The following RALGPS1 variants were observed in gnomAD, a reference collection of about 807,000 sequenced individuals.
RALGPS1 encodes ras-specific guanine nucleotide-releasing factor RalGPS1.
In RALGPS1, 19 loss-of-function variants were observed where a neutral mutation model predicts 78.8. The ratio of observed to expected loss-of-function variants is 0.24; its 90% CI spans 0.17 to 0.35. The LOEUF (loss-of-function observed/expected upper bound fraction) is 0.35, where lower values mean the gene tolerates loss of function less well. Ranked by LOEUF, RALGPS1 falls within the 10% of genes least tolerant of loss-of-function variation. RALGPS1 has a pLI of 1.00. For missense variants in RALGPS1, 454 were observed against 688.3 expected (o/e 0.66, Z 3.81); for synonymous variants, 228 against 256.3 (o/e 0.89, Z 1.06).
At chr9:127,099,444 T>A (rs1474635712) in intron 8 of RALGPS1, among the ~76,000 whole-genome samples, 2 of 152,208 alleles carry the variant, frequency 1.3e-5, no homozygotes, top group South Asian at 4.1e-4. Flanking sequence ...ACTGTTGAAA[T>A]TGGATCTGCA....
rs2052818652 is a variant in RALGPS1, at chr9:127,094,043, A to G, written c.610+24687A>G. The G allele has an allele frequency of 2.8e-5, 34 of 1,207,324 alleles. No individual in the cohort carries two copies. The South Asian group carries it at 4.8e-4, about 17-fold the overall frequency. The allele number at this position is 1,207,324 out of a possible 1,614,324, so 74.8% of individuals were successfully genotyped here. ...GGCTCCAGCTGGGAGCCACAGGCCC[A>G]CGGTCTGAGGTAACCAATTTTTGTT... On this transcript the variant is annotated intron_variant, in intron 8 of 18. Coordinates refer to ENST00000259351, the MANE Select transcript of RALGPS1 (RefSeq NM_014636.3).
chr9:127,102,068 T>C (rs987360656), intron 8 of RALGPS1, among the ~76,000 whole-genome samples: 3 of 152,106 alleles, frequency 2.0e-5, no homozygotes, highest in Non-Finnish European at 4.4e-5. Context: ...GATGCGGGGA[T>C]AGTAGGAAAG....
chr9:126,950,172 T>C (rs911011641), intron 1 of RALGPS1, among the ~76,000 whole-genome samples: 1 of 152,242 alleles, frequency 6.6e-6, no homozygotes, highest in African/African-American at 2.4e-5. Context: ...CATTGATCTA[T>C]ATCTCTGTTT....
At chr9:127,092,091 A>C in intron 8 of RALGPS1, 1 of 932,318 alleles carries the variant, frequency 1.1e-6, no homozygotes, top group Non-Finnish European at 1.6e-6. Flanking sequence ...CCACCTCTTA[A>C]TCTCTCCATG....
chr9:127,069,325 C>A lies in RALGPS1; in HGVS notation c.579C>A (p.Ser193Arg). 1 of 1,613,974 alleles carries A rather than the reference C, an allele frequency of 6.2e-7. No individual in the cohort carries two copies. The highest frequency in any genetic ancestry group is 8.5e-7 in the Non-Finnish European group (1 of 1,179,870). The change falls in exon 8 of 19, where the codon AGC (serine) becomes AGA (arginine). Residue 193 changes from serine (S) to arginine (R), a missense_variant. Ser to Arg is a moderately radical substitution (Grantham distance 110, BLOSUM62 -1). Transcript: ENST00000259351. ...AGCGGACACGGGAATATATCCGAAG[C>A]CTGAAGATGGTTCCAAGTATTCCCT... ...NYKRTREYIR[S>R]LKMVPSIPYL...
chr9:127,059,029 T>C (rs949229332), intron 7 of RALGPS1, among the ~76,000 whole-genome samples: 8 of 152,136 alleles, frequency 5.3e-5, no homozygotes, highest in African/African-American at 9.7e-5. Context: ...CTCCTAGATA[T>C]CTGGGGACAC....
rs555034475 is a variant in RALGPS1, at chr9:127,218,329, C to T, written c.1645-411C>T. ...TCCAGCCACCCACCCTCTGCACACA[C>T]CTCAGGCCTTCAGGATTTGTCTCTC... On this transcript the variant is annotated intron_variant, in intron 18 of 18. Transcript: ENST00000259351. The surrounding 1 kb of genome is among the most constrained non-coding windows in gnomAD (Gnocchi z 4.4). Among the ~76,000 whole-genome samples, 3 of 152,316 alleles carry T rather than the reference C, an allele frequency of 2.0e-5. No homozygotes were observed. Among genetic ancestry groups the T allele is most frequent in the South Asian group, 4.1e-4 (2 of 4,826 alleles).
At position 126,942,005 on chromosome 9, in the gene RALGPS1, C is replaced by CT. The variant is rs1416602813; in HGVS notation, c.-65-20219dup. The stretch of plus-strand genomic sequence containing the variant: ...TCATATTAATCCTCACACCAACCCT[C>CT]TAAGAAAGATGCTGCTCTTAGTTTC... On this transcript the variant is annotated intron_variant, in intron 1 of 18. Transcript: ENST00000259351. Among the ~76,000 whole-genome samples, 7 of 152,228 alleles carry CT rather than the reference C, an allele frequency of 4.6e-5. No individual in the cohort carries two copies. The East Asian group carries it at 1.3e-3, about 29-fold the overall frequency.
At chr9:127,025,222 T>C (rs2045864932) in intron 4 of RALGPS1, among the ~76,000 whole-genome samples, 1 of 152,280 alleles carries the variant, frequency 6.6e-6, no homozygotes. Context: ...TATGCGTCAC[T>C]CTGTCATTCG....
chr9:127,155,082 C>T (rs2058638457), intron 8 of RALGPS1, among the ~76,000 whole-genome samples: 1 of 152,202 alleles, frequency 6.6e-6, no homozygotes, highest in South Asian at 2.1e-4. Context: ...CTTGCGGATA[C>T]CACAGTGTGG....
chr9:127,046,822 C>T (rs1191606322), intron 5 of RALGPS1, among the ~76,000 whole-genome samples: 1 of 151,858 alleles, frequency 6.6e-6, no homozygotes, highest in East Asian at 1.9e-4. Flanking sequence ...TCACAAGGAC[C>T]TGTGCAGGCA....
At position 126,979,375 on chromosome 9, in the gene RALGPS1, A is replaced by G. The variant is rs563910870; in HGVS notation, c.216+1630A>G. On this transcript the variant is annotated intron_variant, in intron 4 of 18. Coordinates refer to ENST00000259351, the MANE Select transcript of RALGPS1 (RefSeq NM_014636.3). The stretch of plus-strand genomic sequence containing the variant: ...TTTTTCTGTTTTGTTCTAATGTGGT[A>G]TGATCCATTATTTCTAATCAAAAAC... Among the ~76,000 whole-genome samples the G allele has an allele frequency of 4.6e-5, 7 of 151,966 alleles. No individual in the cohort carries two copies. The East Asian group carries it at 5.8e-4, about 13-fold the overall frequency.
At chr9:126,917,983 A>T (rs752564916) in intron 1 of RALGPS1, among the ~76,000 whole-genome samples, 52 of 152,312 alleles carry the variant, frequency 3.4e-4, no homozygotes, top group Middle Eastern at 3.4e-3. Context: ...CTTCTTTTAA[A>T]AATATCTGTC....
intron 8 of RALGPS1, among the ~76,000 whole-genome samples, chr9:127,077,543 C>T (rs912161299): frequency 1.1e-4 from 16 of 152,294 alleles, no homozygotes; most frequent in African/African-American, 3.6e-4. Context: ...GAGTGGTGGC[C>T]GTTGCCCCCT....
intron 1 of RALGPS1, among the ~76,000 whole-genome samples, chr9:126,960,210 TCCC>T (rs2038761489): frequency 1.8e-5 from 1 of 56,608 alleles, no homozygotes; most frequent in African/African-American, 5.2e-5. Flanking sequence ...CCTCCCTCCC[TCCC>T]TCCCTCCCTT....
chr9:126,972,123 C>T (rs2132473748), intron 3 of RALGPS1, among the ~76,000 whole-genome samples: 1 of 152,232 alleles, frequency 6.6e-6, no homozygotes, highest in Admixed American at 6.5e-5. Flanking sequence ...TTCCCAGTAC[C>T]CAGTGAGGAA....
At chr9:126,999,239 T>C (rs1338516941) in intron 4 of RALGPS1, among the ~76,000 whole-genome samples, 1 of 152,108 alleles carries the variant, frequency 6.6e-6, no homozygotes, top group Admixed American at 6.5e-5. Context: ...ATTCTGTATC[T>C]CCTGACCCCG....
chr9:127,201,316 A>T (rs899135560), intron 14 of RALGPS1, among the ~76,000 whole-genome samples: 1 of 152,160 alleles, frequency 6.6e-6, no homozygotes, highest in African/African-American at 2.4e-5. Flanking sequence ...TCCTCTGAGG[A>T]TGGCTTTTGG....
intron 8 of RALGPS1, among the ~76,000 whole-genome samples, chr9:127,145,953 A>G (rs1380539321): frequency 1.3e-5 from 2 of 152,250 alleles, no homozygotes; most frequent in Non-Finnish European, 2.9e-5. Context: ...TTATTTGTTT[A>G]CTGTCTGGCA....
Sources: gnomAD v4.1 joint callset for allele counts (sites outside exome capture counted in the v4.1 genomes callset) on GRCh38, gnomAD v4.1.1 for gene constraint, Gnocchi (gnomAD v3.1) non-coding constraint, MANE v1.5 for transcripts, NCBI Gene and HGNC (gene_info 2026-07-23, HGNC 2026-07-21) for gene names.